Variants in HIVEP3 observed in about 807,000 individuals in gnomAD.
HIVEP3 encodes HIVEP zinc finger 3.
Under a neutral mutation model 152.8 loss-of-function variants are expected in HIVEP3, and 49 were observed. The observed-to-expected ratio is 0.32, with a 90% CI of 0.26 to 0.41. The LOEUF (loss-of-function observed/expected upper bound fraction) is 0.41. HIVEP3 is among the 10% of genes least tolerant of loss of function. The probability of loss-of-function intolerance (pLI) is 1.00; values close to 1 mark genes in which losing one functional copy is unlikely to be tolerated. For missense variants in HIVEP3, 2,790 were observed against 3,103.3 expected (o/e 0.90, Z 2.40); for synonymous variants, 1,269 against 1,289.0 (o/e 0.98, Z 0.33).
At chr1:41,823,509 T>C (rs1642668019) in intron 1 of HIVEP3, among the ~76,000 whole-genome samples, 1 of 152,180 alleles carries the variant, frequency 6.6e-6, no homozygotes, top group Non-Finnish European at 1.5e-5. Flanking sequence ...GCCAAGAGGC[T>C]TTTTGGCCAT....
At chr1:41,797,857 G>T (rs1650071703) in intron 1 of HIVEP3, among the ~76,000 whole-genome samples, 1 of 152,116 alleles carries the variant, frequency 6.6e-6, no homozygotes, top group South Asian at 2.1e-4. Context: ...CATGGTGCCT[G>T]TAGTCCCAGC....
chr1:41,662,474 G>A lies in HIVEP3; in HGVS notation c.-720-33527C>T, dbSNP rs1434478033. 1 of 151,622 alleles carries A rather than the reference G, an allele frequency of 6.6e-6. No homozygotes were observed. The highest frequency in any genetic ancestry group is 1.5e-5 in the Non-Finnish European group (1 of 67,918). The allele number at this position is 151,622 out of a possible 1,614,324, so 9.4% of individuals were successfully genotyped here. A position where few individuals can be genotyped will look rare whatever the true frequency, so the allele number is the denominator to read the frequency against. ...TCACTCCCCAGAGTTTCCTGTCGCC[G>A]AGCACGGGGACCCCGCCGCCGGCCC... On this transcript the variant is annotated intron_variant, in intron 2 of 8. Transcript: ENST00000372583. This position sits in a 1 kb window ranked among gnomAD's most constrained non-coding sequence, Gnocchi z 7.2.
intron 1 of HIVEP3, among the ~76,000 whole-genome samples, chr1:41,954,844 G>GT (rs1645131241): frequency 6.6e-6 from 1 of 152,172 alleles, no homozygotes; most frequent in Non-Finnish European, 1.5e-5. Context: ...ATCTCTCAGC[G>GT]TTGTGGTCAG....
chr1:41,824,459 A>G (rs1642698120), intron 1 of HIVEP3, among the ~76,000 whole-genome samples: 1 of 152,070 alleles, frequency 6.6e-6, no homozygotes, highest in Non-Finnish European at 1.5e-5. Flanking sequence ...AAACAGGATC[A>G]CACAGCTAAC....
At chr1:41,971,062 T>C (rs1307354958) in intron 1 of HIVEP3, among the ~76,000 whole-genome samples, 1 of 152,204 alleles carries the variant, frequency 6.6e-6, no homozygotes, top group East Asian at 1.9e-4. Context: ...TTCAAAACAT[T>C]AGTGTTTTAC....
intron 1 of HIVEP3, among the ~76,000 whole-genome samples, chr1:41,786,135 C>G (rs1257717687): frequency 2.0e-5 from 3 of 152,212 alleles, no homozygotes; most frequent in South Asian, 4.1e-4. Flanking sequence ...CCTGGCTCAG[C>G]TTACACTGTG....
chr1:41,945,819 T>C (rs976220782), intron 1 of HIVEP3, among the ~76,000 whole-genome samples: 1 of 152,162 alleles, frequency 6.6e-6, no homozygotes, highest in African/African-American at 2.4e-5. Context: ...AGGGAGGCAT[T>C]GAGGAAGCAT....
chr1:41,581,139 G>A lies in HIVEP3; in HGVS notation c.3659C>T (p.Pro1220Leu). Residue 1220 changes from proline to leucine, a missense_variant, in exon 4 of 9, where the codon CCC becomes CTC. Coordinates refer to ENST00000372583, the MANE Select transcript of HIVEP3 (RefSeq NM_024503.5). The surrounding 1 kb of genome is among the most constrained non-coding windows in gnomAD (Gnocchi z 4.5). ...GTATGGCATGGGGAGGAAGGAAGGG[G>A]GCTGCCTGAAGGGGATGTTGGCTGG... ...PHPANIPFRQ[P>L]PSFLPMPYPT... 1 of 1,552,724 alleles carries A rather than the reference G, an allele frequency of 6.4e-7. No individual in the cohort carries two copies. Among genetic ancestry groups the A allele is most frequent in the Non-Finnish European group, 8.7e-7 (1 of 1,149,202 alleles).
At chr1:41,998,215 A>G (rs1432615892) in intron 1 of HIVEP3, among the ~76,000 whole-genome samples, 1 of 152,194 alleles carries the variant, frequency 6.6e-6, no homozygotes, top group Non-Finnish European at 1.5e-5. Context: ...AATGAACATA[A>G]TATGTTCAGT....
chr1:42,031,795 G>T (rs56403923), intron 1 of HIVEP3, among the ~76,000 whole-genome samples: 2,410 of 152,126 alleles, frequency 0.016, 50 homozygotes, highest in African/African-American at 0.051. Context: ...TAAATACTTT[G>T]TAAATGTTGT....
intron 1 of HIVEP3, among the ~76,000 whole-genome samples, chr1:41,832,445 C>G (rs1405249009): frequency 6.6e-6 from 1 of 152,150 alleles, no homozygotes; most frequent in Admixed American, 6.6e-5. Context: ...GTGGGAGGAT[C>G]ACTTGAGCCT....
intron 5 of HIVEP3, among the ~76,000 whole-genome samples, chr1:41,548,463 C>T (rs1643858008): frequency 6.6e-6 from 1 of 152,282 alleles, no homozygotes; most frequent in Admixed American, 6.5e-5. Flanking sequence ...TCATACTGCA[C>T]TTTTTTAAGC....
At position 41,522,975 on chromosome 1, in the gene HIVEP3, A is replaced by G. The variant is rs572509166; in HGVS notation, c.5383+1760T>C. Among the ~76,000 whole-genome samples, 5 of 152,354 alleles carry G rather than the reference A, an allele frequency of 3.3e-5. No homozygotes were observed. The East Asian group carries it at 9.6e-4, about 29-fold the overall frequency. On this transcript the variant is annotated intron_variant, in intron 6 of 8. Transcript: ENST00000372583. ...AGGGAACTAACTGCTCACAGAAAGG[A>G]AGATGATGGGGTGATGCCCTGGAGC...
chr1:41,895,274 G>C (rs888753941), intron 1 of HIVEP3, among the ~76,000 whole-genome samples: 1 of 152,068 alleles, frequency 6.6e-6, no homozygotes, highest in Non-Finnish European at 1.5e-5. Context: ...CATGAACCCA[G>C]TTCCCTTCCA....
intron 1 of HIVEP3, among the ~76,000 whole-genome samples, chr1:41,796,560 T>A (rs945219310): frequency 1.3e-5 from 2 of 152,404 alleles, no homozygotes; most frequent in East Asian, 3.9e-4. Context: ...GCTGAGTGAA[T>A]GAGTGGGTAA....
At chr1:41,758,684 C>A (rs1647473913) in intron 1 of HIVEP3, among the ~76,000 whole-genome samples, 1 of 152,172 alleles carries the variant, frequency 6.6e-6, no homozygotes, top group Non-Finnish European at 1.5e-5. Context: ...TTGGGAACCT[C>A]CAGGCAGTGG....
chr1:41,717,766 G>C (rs11210515), intron 1 of HIVEP3, among the ~76,000 whole-genome samples: 27,408 of 152,182 alleles, frequency 0.18, 6,133 homozygotes, highest in African/African-American at 0.53. Context: ...TTATCCAGGG[G>C]TCGCCCACCA....
intron 1 of HIVEP3, among the ~76,000 whole-genome samples, chr1:41,810,010 G>C (rs1015490546): frequency 1.3e-5 from 2 of 152,176 alleles, no homozygotes; most frequent in Non-Finnish European, 2.9e-5. Context: ...TGTGGGTGCA[G>C]CTGCCCAAAT....
chr1:41,797,359 G>T (rs1650043674), intron 1 of HIVEP3, among the ~76,000 whole-genome samples: 1 of 152,334 alleles, frequency 6.6e-6, no homozygotes, highest in East Asian at 1.9e-4. Flanking sequence ...CACAGTATGT[G>T]AGCTTCAGGC....
Sources: allele counts gnomAD v4.1 joint callset (sites outside exome capture counted in the v4.1 genomes callset), GRCh38; gene constraint gnomAD v4.1.1; non-coding constraint Gnocchi (gnomAD v3.1); transcripts MANE v1.5; gene names NCBI Gene and HGNC (gene_info 2026-07-23, HGNC 2026-07-21).